The following CPED1 variants were observed in gnomAD, a reference collection of about 807,000 sequenced individuals.
The protein encoded by CPED1 is cadherin like and PC-esterase domain containing 1, also known as cadherin-like and PC-esterase domain-containing protein 1.
CPED1 carries 114 observed loss-of-function variants against 128.2 expected under a neutral mutation model. The observed-to-expected ratio is 0.89, with a 90% CI of 0.76 to 1.04. The LOEUF (loss-of-function observed/expected upper bound fraction) is 1.04. CPED1 is among the 50% of genes least tolerant of loss of function. The pLI, the probability that CPED1 is intolerant of heterozygous loss-of-function variation, is 0.00. For synonymous variants in CPED1, 462 were observed against 426.7 expected, an observed-to-expected ratio of 1.08 and a Z score of -1.02; for missense variants, 1,211 against 1,207.1, an observed-to-expected ratio of 1.00 and a Z score of -0.05.
At chr7:121,285,270 T>C (rs527952670) in intron 22 of CPED1, among the ~76,000 whole-genome samples, 1 of 152,274 alleles carries the variant, frequency 6.6e-6, no homozygotes, top group Admixed American at 6.5e-5. Flanking sequence ...GCCTTAGGCC[T>C]GGCCCACTAA....
chr7:121,039,100 T>C (rs964770870), intron 3 of CPED1, among the ~76,000 whole-genome samples: 6 of 152,114 alleles, frequency 3.9e-5, no homozygotes, highest in African/African-American at 1.4e-4. Context: ...TCTACCTCCT[T>C]GGAGGCAGAG....
At chr7:121,060,004 G>C (rs10233922) in intron 4 of CPED1, among the ~76,000 whole-genome samples, 99,953 of 152,102 alleles carry the variant, frequency 0.66, 35,592 homozygotes, top group Admixed American at 0.8. Flanking sequence ...GGCTGCGCGC[G>C]GCGCTTGCGG....
chr7:121,230,302 G>A (rs1276439021), intron 16 of CPED1, among the ~76,000 whole-genome samples: 2 of 152,108 alleles, frequency 1.3e-5, no homozygotes, highest in Admixed American at 6.6e-5. Flanking sequence ...TTGGAAAACT[G>A]AAATGTCTGG....
intron 2 of CPED1, among the ~76,000 whole-genome samples, chr7:120,990,425 A>G (rs1796291404): frequency 6.6e-6 from 1 of 152,206 alleles, no homozygotes; most frequent in Non-Finnish European, 1.5e-5. Flanking sequence ...GAATTGATAC[A>G]ATGTATTTTA....
At position 121,097,765 on chromosome 7, in the gene CPED1, C is replaced by A. The variant is rs200465145; in HGVS notation, c.683C>A (p.Ser228Ter). 7 of 1,613,780 alleles carry A rather than the reference C, an allele frequency of 4.3e-6. No homozygotes were observed. Among genetic ancestry groups the A allele is most frequent in the Admixed American group, 1.7e-5 (1 of 59,968 alleles). The change falls in exon 6 of 23, where the codon TCG becomes TAG. Residue 228 changes from serine (S) to a stop codon, truncating the protein, a stop_gained. Transcript: ENST00000310396. LOFTEE classifies it high-confidence loss of function. The stretch of plus-strand genomic sequence containing the variant: ...GGAATGCAATTAAAGCCGAGTACTT[C>A]GAGTCACCTTTTAAAAACAGTGAAG... ...DQGMQLKPST[S>*]SHLLKTVKPR...
chr7:121,254,554 A>G (rs1359063006), intron 18 of CPED1, among the ~76,000 whole-genome samples: 1 of 152,054 alleles, frequency 6.6e-6, no homozygotes, highest in East Asian at 1.9e-4. Flanking sequence ...ATAAATAACT[A>G]ATGTTAGAGA....
At chr7:121,036,452 A>G (rs536991941) in intron 3 of CPED1, among the ~76,000 whole-genome samples, 2 of 149,482 alleles carry the variant, frequency 1.3e-5, no homozygotes, top group African/African-American at 2.5e-5. Flanking sequence ...CCATTATTTC[A>G]TTCCTTTTTA....
chr7:121,262,157 G>A (rs1479920326), intron 18 of CPED1, among the ~76,000 whole-genome samples: 2 of 152,008 alleles, frequency 1.3e-5, no homozygotes, highest in African/African-American at 4.8e-5. Flanking sequence ...CTTGCCCTGT[G>A]ACGTGCCTCC....
intron 2 of CPED1, among the ~76,000 whole-genome samples, chr7:120,995,289 A>G (rs1796378438): frequency 6.6e-6 from 1 of 152,112 alleles, no homozygotes; most frequent in African/African-American, 2.4e-5. Context: ...TTCAGTCTAC[A>G]TCCTTCTTCT....
chr7:121,097,251 G>A (rs1794721808), intron 5 of CPED1, among the ~76,000 whole-genome samples: 1 of 151,980 alleles, frequency 6.6e-6, no homozygotes, highest in African/African-American at 2.4e-5. Context: ...GATTCCCAAG[G>A]TCAGGAAGCA....
chr7:121,176,795 C>G (rs145858290), intron 16 of CPED1, among the ~76,000 whole-genome samples: 5 of 152,122 alleles, frequency 3.3e-5, no homozygotes, highest in Non-Finnish European at 7.4e-5. Flanking sequence ...TTGTTGTATG[C>G]CTTCTCCTAT....
At chr7:121,116,018 G>C (rs1795227420) in intron 7 of CPED1, among the ~76,000 whole-genome samples, 2 of 152,078 alleles carry the variant, frequency 1.3e-5, no homozygotes, top group Non-Finnish European at 2.9e-5. Context: ...ATGCAATCAA[G>C]GGTCCATCAT....
intron 16 of CPED1, among the ~76,000 whole-genome samples, chr7:121,196,195 T>TCTC (rs1221479392): frequency 2.0e-5 from 3 of 151,842 alleles, no homozygotes; most frequent in Non-Finnish European, 4.4e-5. Flanking sequence ...TCCTGGTGAA[T>TCTC]AAAATGGTGG....
chr7:121,069,755 G>T (rs572364297), intron 5 of CPED1, among the ~76,000 whole-genome samples: 1 of 152,058 alleles, frequency 6.6e-6, no homozygotes, highest in Non-Finnish European at 1.5e-5. Context: ...TATTAAGTTT[G>T]CTCATTTTGA....
At position 121,297,297 on chromosome 7, in the gene CPED1, ACAGT is replaced by A. The variant is rs1374313289; in HGVS notation, c.*1650_*1653del. ...ATACTGTATACTCTATAGCAGTATT[ACAGT>A]CAGTATTTCATATAATTTTCTTTAG... On this transcript the variant is annotated 3_prime_UTR_variant, in exon 23 of 23. Coordinates refer to ENST00000310396, the MANE Select transcript of CPED1 (RefSeq NM_024913.5). 6.6e-6 allele frequency: 1 copy of A among 152,138 alleles called. No individual in the cohort carries two copies. The highest frequency in any genetic ancestry group is 2.4e-5 in the African/African-American group (1 of 41,450). 9.4% of individuals were successfully genotyped at this position (152,138 alleles called of 1,614,324 possible). A position where few individuals can be genotyped will look rare whatever the true frequency, so the allele number is the denominator to read the frequency against.
intron 3 of CPED1, among the ~76,000 whole-genome samples, chr7:121,038,109 C>T (rs966455430): frequency 1.3e-5 from 2 of 152,146 alleles, no homozygotes; most frequent in Admixed American, 6.5e-5. Context: ...TTCCTCTTTG[C>T]CAATTTGGGT....
intron 16 of CPED1, among the ~76,000 whole-genome samples, chr7:121,224,069 C>A (rs1311049513): frequency 6.6e-6 from 1 of 152,100 alleles, no homozygotes; most frequent in Non-Finnish European, 1.5e-5. Context: ...AATTTTAGAT[C>A]TTTCCTGATT....
chr7:121,212,968 C>T (rs1440868899), intron 16 of CPED1, among the ~76,000 whole-genome samples: 2 of 151,584 alleles, frequency 1.3e-5, no homozygotes, highest in Non-Finnish European at 2.9e-5. Flanking sequence ...GGCTTTTTTC[C>T]GGGGGGGTGC....
chr7:121,268,978 G>T (rs1200692023), intron 21 of CPED1, among the ~76,000 whole-genome samples: 1 of 151,900 alleles, frequency 6.6e-6, no homozygotes, highest in Non-Finnish European at 1.5e-5. Context: ...TCCTCTGCTG[G>T]ATGGTAATTG....
Sources: allele counts gnomAD v4.1 joint callset (sites outside exome capture counted in the v4.1 genomes callset), GRCh38; gene constraint gnomAD v4.1.1; transcripts MANE v1.5; gene names NCBI Gene and HGNC (gene_info 2026-07-23, HGNC 2026-07-21).